Variants in RPIA observed in about 807,000 individuals in gnomAD.
The protein encoded by RPIA is ribose 5-phosphate isomerase A.
RPIA carries 29 observed loss-of-function variants against 37.8 expected under a neutral mutation model. That is an observed-to-expected ratio of 0.77 (90% CI 0.57 to 1.05). The LOEUF (loss-of-function observed/expected upper bound fraction) is 1.05, where lower values mean the gene tolerates loss of function less well. Ranked by LOEUF, RPIA falls within the 50% of genes least tolerant of loss-of-function variation. The pLI is 0.00. For synonymous variants in RPIA, 167 were observed against 157.0 expected, an observed-to-expected ratio of 1.06 and a Z score of -0.48; for missense variants, 385 against 413.6, an observed-to-expected ratio of 0.93 and a Z score of 0.60.
In RPIA at chr2:88,737,974, T is replaced by C; in HGVS notation, c.739-3T>C. 1 of 1,611,096 alleles carries C rather than the reference T, an allele frequency of 6.2e-7. No individual in the cohort carries two copies. The highest frequency in any genetic ancestry group is 2.2e-5 in the East Asian group (1 of 44,852). ...TTGGTCACTGTGGAAAATTATCTTC[T>C]AGGGTCCTGTGGTGACAGATAATGG... On this transcript the variant is annotated splice_region_variant and splice_polypyrimidine_tract_variant and intron_variant, in intron 7 of 8. Transcript: ENST00000283646.
At chr2:88,695,947 ACT>A (rs569849426) in intron 1 of RPIA, among the ~76,000 whole-genome samples, 71 of 151,266 alleles carry the variant, frequency 4.7e-4, no homozygotes, top group Non-Finnish European at 7.5e-4. Context: ...TTTTTTGGTA[ACT>A]CTACTTGTTG....
At chr2:88,740,415 T>C (rs938100694) in intron 8 of RPIA, among the ~76,000 whole-genome samples, 24 of 152,070 alleles carry the variant, frequency 1.6e-4, no homozygotes, top group African/African-American at 5.3e-4. Flanking sequence ...ATCAGAGTGG[T>C]TTGCTGTATC....
At chr2:88,746,837 A>G (rs1673443097) in intron 8 of RPIA, among the ~76,000 whole-genome samples, 1 of 151,980 alleles carries the variant, frequency 6.6e-6, no homozygotes, top group Non-Finnish European at 1.5e-5. Flanking sequence ...CCCTTTTTGG[A>G]GCAGGGTTGT....
intron 3 of RPIA, among the ~76,000 whole-genome samples, chr2:88,722,846 G>GTTCA (rs1351042079): frequency 6.6e-6 from 1 of 152,172 alleles, no homozygotes; most frequent in Admixed American, 6.5e-5. Context: ...CTTTAAAGGG[G>GTTCA]TTCAACTCAT....
intron 3 of RPIA, among the ~76,000 whole-genome samples, chr2:88,726,057 G>C (rs1278980457): frequency 1.3e-5 from 2 of 152,176 alleles, no homozygotes. Flanking sequence ...GTTGCTTATT[G>C]TCTGTTGGGG....
In RPIA at chr2:88,700,006, C is replaced by T. The variant is rs776224751; in HGVS notation, c.347-3C>T. On this transcript the variant is annotated splice_region_variant and splice_polypyrimidine_tract_variant and intron_variant, in intron 2 of 8. Coordinates refer to ENST00000283646, the MANE Select transcript of RPIA (RefSeq NM_144563.3). Reference sequence around the variant, plus strand: ...ACTGCCAATATGGCTTTTGTTTCCACAGCTGAAAGGGTGAAGCAAGAGAAT... The same window carrying T: ...ACTGCCAATATGGCTTTTGTTTCCATAGCTGAAAGGGTGAAGCAAGAGAAT... The T allele has an allele frequency of 3.7e-6, 6 of 1,614,166 alleles. No homozygotes were observed. Among genetic ancestry groups the T allele is most frequent in the Non-Finnish European group, 5.1e-6 (6 of 1,179,992 alleles).
intron 7 of RPIA, 127 bp downstream of exon 7, chr2:88,736,803 T>C: frequency 8.4e-7 from 1 of 1,188,746 alleles, no homozygotes; most frequent in Non-Finnish European, 1.2e-6. Flanking sequence ...TATTTTTAAT[T>C]GATGTATTTG....
At chr2:88,743,119 T>C (rs1673402700) in intron 8 of RPIA, among the ~76,000 whole-genome samples, 1 of 152,164 alleles carries the variant, frequency 6.6e-6, no homozygotes, top group Admixed American at 6.5e-5. Flanking sequence ...TTGTTCCAGT[T>C]CTCAGGGGGA....
At chr2:88,715,141 A>G (rs1458486954) in intron 3 of RPIA, among the ~76,000 whole-genome samples, 18 of 152,232 alleles carry the variant, frequency 1.2e-4, no homozygotes, top group Admixed American at 1.2e-3. Context: ...TCAAGGAGAC[A>G]AGAGGAATCC....
intron 3 of RPIA, among the ~76,000 whole-genome samples, chr2:88,705,500 A>C (rs1672886886): frequency 6.6e-6 from 1 of 152,210 alleles, no homozygotes; most frequent in Non-Finnish European, 1.5e-5. Flanking sequence ...AGAACTGGCT[A>C]ACCATATGCA....
At chr2:88,741,779 A>G (rs372216778) in intron 8 of RPIA, among the ~76,000 whole-genome samples, 2 of 152,074 alleles carry the variant, frequency 1.3e-5, no homozygotes, top group East Asian at 3.9e-4. Flanking sequence ...GTGGTATTGC[A>G]TTGTGGTTTT....
chr2:88,713,493 T>C (rs1465152066), intron 3 of RPIA, among the ~76,000 whole-genome samples: 3 of 152,172 alleles, frequency 2.0e-5, no homozygotes, highest in Non-Finnish European at 4.4e-5. Context: ...TTGTATGAAA[T>C]CTATTTTTAA....
Position 88,691,777 on chromosome 2 carries a change from T to C in RPIA, c.79T>C (p.Ser27Pro), listed in dbSNP as rs760833833. ...PLPGRAGGAA[S>P]GGGGNSWDLP... ...GCCCGGGAGGGCCGGGGGCGCGGCC[T>C]CCGGCGGAGGAGGGAACAGCTGGGA... Residue 27 changes from serine to proline, a missense_variant, in exon 1 of 9, where the codon TCC (serine) becomes CCC (proline). Physicochemically the swap from Ser to Pro is moderately conservative, Grantham distance 74. Coordinates refer to ENST00000283646, the MANE Select transcript of RPIA (RefSeq NM_144563.3). 7 of 1,592,434 alleles carry C rather than the reference T, an allele frequency of 4.4e-6. No homozygotes were observed. The African/African-American group carries it at 8.0e-5, about 18-fold the overall frequency.
chr2:88,727,122 T>C (rs1673208749), intron 3 of RPIA, among the ~76,000 whole-genome samples: 1 of 151,886 alleles, frequency 6.6e-6, no homozygotes, highest in Non-Finnish European at 1.5e-5. Context: ...CGCGTGCATG[T>C]GTGCGCATGC....
intron 3 of RPIA, among the ~76,000 whole-genome samples, chr2:88,716,081 T>C (rs1673032376): frequency 6.6e-6 from 1 of 152,178 alleles, no homozygotes; most frequent in Non-Finnish European, 1.5e-5. Context: ...CCTCTGAGGC[T>C]CACCTGAGAC....
At chr2:88,744,034 C>A (rs1487945383) in intron 8 of RPIA, among the ~76,000 whole-genome samples, 2 of 151,782 alleles carry the variant, frequency 1.3e-5, no homozygotes, top group African/African-American at 4.8e-5. Flanking sequence ...TTAGTTATTT[C>A]TTTTCTTCTG....
chr2:88,725,980 T>G (rs1673192400), intron 3 of RPIA, among the ~76,000 whole-genome samples: 1 of 152,240 alleles, frequency 6.6e-6, no homozygotes, highest in Non-Finnish European at 1.5e-5. Flanking sequence ...GCAGAATTCC[T>G]GAGCCTCGTG....
intron 3 of RPIA, 152 bp downstream of exon 3, chr2:88,700,216 T>G: frequency 5.1e-6 from 4 of 779,494 alleles, no homozygotes; most frequent in Non-Finnish European, 9.2e-6. Flanking sequence ...GGATTCCTTC[T>G]TGGAATTGTA....
rs1240388367 is a variant in RPIA at position 88,750,065 on chromosome 2, A to G, written c.923A>G (p.Lys308Arg). 4 of 1,611,836 alleles carry G rather than the reference A, an allele frequency of 2.5e-6. No individual in the cohort carries two copies. In the Admixed American group the frequency reaches 6.7e-5, roughly 27 times the overall value. Residue 308 changes from lysine (K) to arginine (R), a missense_variant, in exon 9 of 9, where the codon AAG becomes AGG. Lys to Arg is a conservative substitution (Grantham distance 26). Transcript: ENST00000283646. ...MQDGSVNMRE[K>R]PFC ...GATGGCTCAGTGAACATGAGGGAGAAGCCTTTCTGTTGACCCTGCAAGGAG... is the reference window on the plus strand; with the variant it reads ...GATGGCTCAGTGAACATGAGGGAGAGGCCTTTCTGTTGACCCTGCAAGGAG...
Sources: gnomAD v4.1 joint callset for allele counts (sites outside exome capture counted in the v4.1 genomes callset) on GRCh38, gnomAD v4.1.1 for gene constraint, MANE v1.5 for transcripts, NCBI Gene and HGNC (gene_info 2026-07-23, HGNC 2026-07-21) for gene names.